The following TTC28 variants were observed in gnomAD, a reference collection of about 807,000 sequenced individuals.
TTC28 encodes tetratricopeptide repeat protein 28.
Under a neutral mutation model 198.0 loss-of-function variants are expected in TTC28, and 61 were observed. The ratio of observed to expected loss-of-function variants is 0.31; its 90% CI spans 0.25 to 0.38. The LOEUF (loss-of-function observed/expected upper bound fraction) is 0.38, where lower values mean the gene tolerates loss of function less well. Ranked by LOEUF, TTC28 falls within the 10% of genes least tolerant of loss-of-function variation. The pLI is 1.00. For synonymous variants in TTC28, 1,171 were observed against 1,297.8 expected, an observed-to-expected ratio of 0.90 and a Z score of 2.10; for missense variants, 2,678 against 3,164.0, an observed-to-expected ratio of 0.85 and a Z score of 3.69.
intron 2 of TTC28, among the ~76,000 whole-genome samples, chr22:28,406,920 A>C (rs2047005833): frequency 6.6e-6 from 1 of 152,212 alleles, no homozygotes; most frequent in Admixed American, 6.5e-5. Flanking sequence ...TTTACAAAAA[A>C]CTTTACTGGA....
intron 1 of TTC28, among the ~76,000 whole-genome samples, chr22:28,648,145 A>G (rs926971798): frequency 6.7e-6 from 1 of 149,398 alleles, no homozygotes; most frequent in African/African-American, 2.5e-5. Context: ...AATGTCGTGA[A>G]CCCAGGAGGC....
At chr22:28,415,248 C>A (rs1008454196) in intron 2 of TTC28, among the ~76,000 whole-genome samples, 1 of 151,778 alleles carries the variant, frequency 6.6e-6, no homozygotes, top group Non-Finnish European at 1.5e-5. Context: ...AAATGGAATT[C>A]CCTTGAGATA....
chr22:28,594,346 T>C (rs1377467570), intron 2 of TTC28, among the ~76,000 whole-genome samples: 1 of 151,312 alleles, frequency 6.6e-6, no homozygotes, highest in Non-Finnish European at 1.5e-5. Context: ...CTAACCCTAA[T>C]TCTGTCAAGA....
intron 12 of TTC28, among the ~76,000 whole-genome samples, chr22:28,071,858 C>CTA (rs1940992585): frequency 6.6e-6 from 1 of 151,982 alleles, no homozygotes; most frequent in Non-Finnish European, 1.5e-5. Flanking sequence ...TCTCTCCCTG[C>CTA]TTATTAGCAG....
At chr22:28,307,973 C>T (rs1444086496) in intron 2 of TTC28, among the ~76,000 whole-genome samples, 2 of 152,092 alleles carry the variant, frequency 1.3e-5, no homozygotes, top group Admixed American at 6.6e-5. Context: ...GATATATTTA[C>T]TTATCTTACT....
intron 13 of TTC28, among the ~76,000 whole-genome samples, chr22:28,017,629 CGAA>C (rs1175362354): frequency 2.6e-5 from 4 of 152,028 alleles, no homozygotes; most frequent in Non-Finnish European, 4.4e-5. Flanking sequence ...GGATGCAGGC[CGAA>C]GAAGAAAGTG....
chr22:28,297,696 C>T lies in TTC28; in HGVS notation c.686G>A (p.Ser229Asn). The T allele has an allele frequency of 6.4e-7, 1 of 1,551,708 alleles. No homozygotes were observed. The highest frequency in any genetic ancestry group is 1.2e-5 in the South Asian group (1 of 84,050). ...GAAAACAGAACCTCTCAGTTTGAGG[C>T]TGCAGGTGCCAATCTTCAGTGCGGC... ...LEAALKIGTCSLKLRGSVFSA... is the reference protein window; with the variant it reads ...LEAALKIGTCNLKLRGSVFSA... The change falls in exon 4 of 23, where the codon AGC (serine) becomes AAC (asparagine). Residue 229 changes from serine to asparagine, a missense_variant. By Grantham distance (46) the Ser-to-Asn change is conservative (BLOSUM62 1). Transcript: ENST00000397906.
At chr22:28,232,681 G>A (rs1928903570) in intron 5 of TTC28, 1 of 152,202 alleles carries the variant, frequency 6.6e-6, no homozygotes, top group Non-Finnish European at 1.5e-5. Flanking sequence ...CATGGCTCAA[G>A]ACAGAACAGA....
intron 2 of TTC28, among the ~76,000 whole-genome samples, chr22:28,547,627 T>A (rs2145950728): frequency 6.6e-6 from 1 of 152,256 alleles, no homozygotes; most frequent in South Asian, 2.1e-4. Context: ...GAAGCTGTCA[T>A]TTTTTATTTA....
At chr22:28,136,810 G>A (rs1943209899) in intron 6 of TTC28, among the ~76,000 whole-genome samples, 1 of 152,166 alleles carries the variant, frequency 6.6e-6, no homozygotes, top group Non-Finnish European at 1.5e-5. Context: ...GGCCATGGCA[G>A]GTACACAGAG....
rs560434863 is a variant in TTC28, at chr22:28,605,445, TG to T, written c.381+24106del. ...CATACTTTTGTTTGTAGTTTTTTCT[TG>T]AATAACAAAGAAACAAACACTTCTT... On this transcript the variant is annotated intron_variant, in intron 2 of 22. Coordinates refer to ENST00000397906, the MANE Select transcript of TTC28 (RefSeq NM_001145418.2). Among the ~76,000 whole-genome samples the T allele has an allele frequency of 7.2e-5, 11 of 152,316 alleles. No homozygotes were observed. In the East Asian group the frequency reaches 2.1e-3, roughly 29 times the overall value.
At chr22:28,376,805 TC>T (rs1417299003) in intron 2 of TTC28, among the ~76,000 whole-genome samples, 1 of 152,078 alleles carries the variant, frequency 6.6e-6, no homozygotes. Context: ...ACTGTAGAGA[TC>T]CTCAGAGAGT....
intron 2 of TTC28, among the ~76,000 whole-genome samples, chr22:28,326,257 A>G (rs1051995013): frequency 2.0e-5 from 3 of 152,166 alleles, no homozygotes; most frequent in African/African-American, 7.2e-5. Context: ...TTTATATGAC[A>G]TTTGAAAAAG....
intron 2 of TTC28, among the ~76,000 whole-genome samples, chr22:28,361,568 C>T (rs1354249001): frequency 2.6e-5 from 4 of 152,156 alleles, no homozygotes; most frequent in Non-Finnish European, 5.9e-5. Context: ...AACATAAAAG[C>T]ATGAGATGAA....
chr22:28,360,644 G>A (rs1481424647), intron 2 of TTC28, among the ~76,000 whole-genome samples: 1 of 152,044 alleles, frequency 6.6e-6, no homozygotes, highest in Non-Finnish European at 1.5e-5. Flanking sequence ...AACAACTCTG[G>A]TGCGATAATT....
At chr22:28,464,626 AT>A (rs1307957324) in intron 2 of TTC28, among the ~76,000 whole-genome samples, 8 of 152,194 alleles carry the variant, frequency 5.3e-5, no homozygotes, top group African/African-American at 1.7e-4. Context: ...AGGAAAAAAA[AT>A]CTTAAGAGCT....
At chr22:28,182,466 T>C (rs1393034432) in intron 5 of TTC28, among the ~76,000 whole-genome samples, 1 of 152,094 alleles carries the variant, frequency 6.6e-6, no homozygotes, top group African/African-American at 2.4e-5. Flanking sequence ...AACACACACA[T>C]GTACAAGTGC....
At chr22:28,334,230 T>C (rs1349270554) in intron 2 of TTC28, among the ~76,000 whole-genome samples, 2 of 152,028 alleles carry the variant, frequency 1.3e-5, no homozygotes, top group African/African-American at 2.4e-5. Flanking sequence ...ATGTGCCACA[T>C]TTTCTTAATC....
chr22:28,390,920 T>TGG (rs1601735243), intron 2 of TTC28, among the ~76,000 whole-genome samples: 1 of 152,232 alleles, frequency 6.6e-6, no homozygotes, highest in East Asian at 1.9e-4. Context: ...GGTTAGTTGA[T>TGG]GCAGTTTCTT....
Sources: allele counts gnomAD v4.1 joint callset (sites outside exome capture counted in the v4.1 genomes callset), GRCh38; gene constraint gnomAD v4.1.1; transcripts MANE v1.5; gene names NCBI Gene and HGNC (gene_info 2026-07-23, HGNC 2026-07-21).